The following CNTNAP2 variants were observed in gnomAD, a reference collection of about 807,000 sequenced individuals.
CNTNAP2 encodes contactin associated protein 2.
CNTNAP2 carries 98 observed loss-of-function variants against 155.2 expected under a neutral mutation model. That is an observed-to-expected ratio of 0.63 (90% CI 0.54 to 0.75). CNTNAP2 has a LOEUF of 0.75. Ranked by LOEUF, CNTNAP2 falls within the 30% of genes least tolerant of loss-of-function variation. The pLI is 0.00. For synonymous variants in CNTNAP2, 651 were observed against 631.2 expected, an observed-to-expected ratio of 1.03 and a Z score of -0.47; for missense variants, 1,727 against 1,688.1, an observed-to-expected ratio of 1.02 and a Z score of -0.40.
intron 21 of CNTNAP2, among the ~76,000 whole-genome samples, chr7:148,338,678 C>T (rs141253004): frequency 5.9e-5 from 9 of 152,314 alleles, no homozygotes; most frequent in Non-Finnish European, 1.2e-4. Flanking sequence ...CCTATCACTA[C>T]TGTCTTCCCT....
chr7:147,042,384 A>C (rs1799276983), intron 3 of CNTNAP2, among the ~76,000 whole-genome samples: 1 of 152,166 alleles, frequency 6.6e-6, no homozygotes, highest in Non-Finnish European at 1.5e-5. Context: ...CTTTCAGTAT[A>C]CTTCTCATAA....
chr7:147,751,244 A>G (rs1015507372), intron 13 of CNTNAP2, among the ~76,000 whole-genome samples: 1 of 151,842 alleles, frequency 6.6e-6, no homozygotes, highest in Non-Finnish European at 1.5e-5. Flanking sequence ...TTAAGAACAT[A>G]AAATGATCCG....
chr7:146,544,295 A>G (rs1048783255), intron 1 of CNTNAP2, among the ~76,000 whole-genome samples: 6 of 151,892 alleles, frequency 4.0e-5, no homozygotes, highest in Admixed American at 1.3e-4. Flanking sequence ...GCCACACTTC[A>G]TTTATCTGTC....
intron 14 of CNTNAP2, among the ~76,000 whole-genome samples, chr7:147,959,374 C>A (rs1801077255): frequency 6.6e-6 from 1 of 152,072 alleles, no homozygotes; most frequent in Admixed American, 6.6e-5. Flanking sequence ...CAAGTACCCA[C>A]CATGAGTTTG....
At chr7:146,880,575 A>T (rs1795525017) in intron 3 of CNTNAP2, among the ~76,000 whole-genome samples, 1 of 152,154 alleles carries the variant, frequency 6.6e-6, no homozygotes, top group Admixed American at 6.6e-5. Context: ...ATATGAACCC[A>T]GAGGCCACAG....
intron 1 of CNTNAP2, among the ~76,000 whole-genome samples, chr7:146,290,865 A>G (rs1389501676): frequency 6.6e-6 from 1 of 152,212 alleles, no homozygotes; most frequent in Non-Finnish European, 1.5e-5. Flanking sequence ...TGCAGTATCA[A>G]TGCCAAGAAT....
intron 1 of CNTNAP2, among the ~76,000 whole-genome samples, chr7:146,717,511 C>G (rs538699680): frequency 6.6e-6 from 1 of 152,126 alleles, no homozygotes; most frequent in Admixed American, 6.5e-5. Flanking sequence ...GAGACTCTAT[C>G]ATAATGTTAT....
chr7:147,380,175 T>G (rs902178816), intron 9 of CNTNAP2, among the ~76,000 whole-genome samples: 9 of 152,014 alleles, frequency 5.9e-5, no homozygotes, highest in African/African-American at 2.2e-4. Context: ...GTTATAAACT[T>G]TTGGGGTGCA....
chr7:147,125,740 C>T (rs566845984), intron 6 of CNTNAP2, among the ~76,000 whole-genome samples: 7 of 152,266 alleles, frequency 4.6e-5, no homozygotes, highest in African/African-American at 1.2e-4. Flanking sequence ...GTGGACAATT[C>T]ATATTCCCCT....
intron 16 of CNTNAP2, among the ~76,000 whole-genome samples, chr7:148,120,235 CTCGGGG>C (rs1804570646): frequency 6.8e-6 from 1 of 147,956 alleles, no homozygotes; most frequent in Non-Finnish European, 1.5e-5. Context: ...CTACTCAGCC[CTCGGGG>C]TCAAAGAATT....
At chr7:148,204,403 C>A (rs6952849) in intron 18 of CNTNAP2, among the ~76,000 whole-genome samples, 2,818 of 152,256 alleles carry the variant, frequency 0.019, 102 homozygotes, top group African/African-American at 0.065. Flanking sequence ...GCAAATATTA[C>A]AAAAGATATG....
intron 1 of CNTNAP2, among the ~76,000 whole-genome samples, chr7:146,163,545 A>ATC (rs1798262388): frequency 1.4e-5 from 2 of 145,182 alleles, no homozygotes; most frequent in African/African-American, 5.1e-5. Context: ...ATCTATATCT[A>ATC]TATATCTATA....
Position 147,664,593 on chromosome 7 carries a change from G to A in CNTNAP2, c.2098+25287G>A, listed in dbSNP as rs561105062. Among the ~76,000 whole-genome samples the A allele has an allele frequency of 5.3e-5, 8 of 152,260 alleles. No homozygotes were observed. In the South Asian group the frequency reaches 1.5e-3, roughly 28 times the overall value. On this transcript the variant is annotated intron_variant, in intron 13 of 23. Coordinates refer to ENST00000361727, the MANE Select transcript of CNTNAP2 (RefSeq NM_014141.6). ...CAGCAGCCAAAACGAAGCATTCGGA[G>A]ATGTTATTGTTGTTGTTCTTCTCTA...
intron 13 of CNTNAP2, among the ~76,000 whole-genome samples, chr7:147,804,546 G>GTT (rs112502971): frequency 0.034 from 4,816 of 141,738 alleles, 132 homozygotes; most frequent in Non-Finnish European, 0.051. Context: ...TTCAGTTTTT[G>GTT]TTTTTTTGTT....
At chr7:147,026,642 A>G (rs545338954) in intron 3 of CNTNAP2, among the ~76,000 whole-genome samples, 2 of 151,034 alleles carry the variant, frequency 1.3e-5, no homozygotes, top group South Asian at 4.2e-4. Context: ...ATTTTTCCCC[A>G]GGATGCTATC....
At chr7:147,804,821 T>G (rs944555589) in intron 13 of CNTNAP2, among the ~76,000 whole-genome samples, 3 of 152,178 alleles carry the variant, frequency 2.0e-5, no homozygotes, top group Non-Finnish European at 4.4e-5. Context: ...CCCACAGTGC[T>G]GGGATTACAG....
At chr7:147,717,899 C>G (rs1183999748) in intron 13 of CNTNAP2, among the ~76,000 whole-genome samples, 2 of 151,510 alleles carry the variant, frequency 1.3e-5, no homozygotes, top group Non-Finnish European at 2.9e-5. Flanking sequence ...AAATACATAG[C>G]AATGTAAAGG....
intron 13 of CNTNAP2, among the ~76,000 whole-genome samples, chr7:147,847,597 C>T (rs1228949262): frequency 7.3e-5 from 3 of 41,218 alleles, no homozygotes; most frequent in Non-Finnish European, 1.4e-4. Context: ...TCTCTCAGCT[C>T]GTCAAAATCA....
chr7:148,359,979 G>A (rs962187655), intron 21 of CNTNAP2, among the ~76,000 whole-genome samples: 4 of 152,140 alleles, frequency 2.6e-5, no homozygotes, highest in African/African-American at 4.8e-5. Flanking sequence ...AGGGGATCTC[G>A]AGAAGAAGTT....
Sources: gnomAD v4.1 joint callset for allele counts (sites outside exome capture counted in the v4.1 genomes callset) on GRCh38, gnomAD v4.1.1 for gene constraint, MANE v1.5 for transcripts, NCBI Gene and HGNC (gene_info 2026-07-23, HGNC 2026-07-21) for gene names.